Variants in LETM2 observed in about 807,000 individuals in gnomAD.
LETM2 encodes LETM1 domain-containing protein LETM2, mitochondrial.
A neutral mutation model predicts 59.6 loss-of-function variants in LETM2; 58 were observed. The observed-to-expected ratio is 0.97, with a 90% confidence interval of 0.79 to 1.21. The LOEUF (loss-of-function observed/expected upper bound fraction) is 1.21, where lower values mean the gene tolerates loss of function less well. LETM2 is among the 50% of genes most tolerant of loss of function. The pLI, the probability that LETM2 is intolerant of heterozygous loss-of-function variation, is 0.00. For synonymous variants in LETM2, 199 were observed against 214.1 expected, an observed-to-expected ratio of 0.93 and a Z score of 0.62; for missense variants, 572 against 575.7, an observed-to-expected ratio of 0.99 and a Z score of 0.07.
chr8:38,402,709 CTTATGTGATTTCTCCT>C, intron 7 of LETM2, 65 bp downstream of exon 7: 1 of 1,523,962 alleles, frequency 6.6e-7, no homozygotes, highest in South Asian at 1.1e-5. Flanking sequence ...TGCAGACCTC[CTTATGTGATTTCTCCT>C]TTGCAAGTGA....
In LETM2 at chr8:38,400,989, G is replaced by T; in HGVS notation, c.920G>T (p.Gly307Val). ...LCKLLELQTFGTNNLLRFQLL... is the reference protein window; with the variant it reads ...LCKLLELQTFVTNNLLRFQLL... ...AAACTGCTGGAATTGCAGACATTTG[G>T]AACCAACAACCTGCTCCGCTTTCAG... Residue 307 changes from glycine (G) to valine (V), a missense_variant, in exon 6 of 11, where the codon GGA (glycine) becomes GTA (valine). Transcript: ENST00000379957. The T allele has an allele frequency of 6.2e-7, 1 of 1,614,134 alleles. No homozygotes were observed. The highest frequency in any genetic ancestry group is 8.5e-7 in the Non-Finnish European group (1 of 1,180,016).
rs1289261936 is a variant in LETM2 at position 38,408,852 on chromosome 8, A to G, written c.*578A>G. 1 of 152,274 alleles carries G rather than the reference A, an allele frequency of 6.6e-6. No individual in the cohort carries two copies. Among genetic ancestry groups the G allele is most frequent in the African/African-American group, 2.4e-5 (1 of 41,406 alleles). 9.4% of individuals were successfully genotyped at this position (152,274 alleles called of 1,614,324 possible). Reference sequence around the variant, plus strand: ...TCAGAAAGATTTGGCTGCTTCCGACACCTCCATCTTGGGCCTGCAGAGGCT... The same window carrying G: ...TCAGAAAGATTTGGCTGCTTCCGACGCCTCCATCTTGGGCCTGCAGAGGCT... On this transcript the variant is annotated 3_prime_UTR_variant, in exon 11 of 11. Coordinates refer to ENST00000379957, the MANE Select transcript of LETM2 (RefSeq NM_001286819.2).
intron 4 of LETM2, among the ~76,000 whole-genome samples, chr8:38,398,677 G>A (rs978061489): frequency 6.6e-6 from 1 of 151,342 alleles, no homozygotes; most frequent in Non-Finnish European, 1.5e-5. Flanking sequence ...TGGATAGATG[G>A]ATGGAAGGAT....
chr8:38,401,951 A>AT (rs1813265772), intron 6 of LETM2, among the ~76,000 whole-genome samples: 1 of 152,180 alleles, frequency 6.6e-6, no homozygotes, highest in African/African-American at 2.4e-5. Flanking sequence ...CAGAACTGAG[A>AT]AAGCATGATC....
At chr8:38,401,986 T>C (rs1400496603) in intron 6 of LETM2, among the ~76,000 whole-genome samples, 1 of 152,152 alleles carries the variant, frequency 6.6e-6, no homozygotes, top group Admixed American at 6.5e-5. Flanking sequence ...TAGATTTCAG[T>C]TGTTGCTCTT....
intron 2 of LETM2, among the ~76,000 whole-genome samples, chr8:38,390,103 CCTAGCTA>C (rs1460572619): frequency 6.6e-6 from 1 of 151,600 alleles, no homozygotes; most frequent in Non-Finnish European, 1.5e-5. Flanking sequence ...GGCCTGTAGT[CCTAGCTA>C]CTCAGGATGC....
intron 8 of LETM2, among the ~76,000 whole-genome samples, chr8:38,405,966 T>C (rs1037322813): frequency 6.6e-6 from 1 of 152,178 alleles, no homozygotes; most frequent in African/African-American, 2.4e-5. Flanking sequence ...CATGTATATA[T>C]ACAAAATGAG....
chr8:38,392,185 G>C (rs1366932789), intron 2 of LETM2, among the ~76,000 whole-genome samples: 1 of 152,058 alleles, frequency 6.6e-6, no homozygotes, highest in East Asian at 1.9e-4. Context: ...AGTACTTAGG[G>C]AGGCCAAGGC....
chr8:38,406,821 AGAG>A (rs1288970842), intron 8 of LETM2, 122 bp from the exon 9 acceptor site: 1 of 620,596 alleles, frequency 1.6e-6, no homozygotes, highest in Non-Finnish European at 2.9e-6. Flanking sequence ...GGGTGTAGCT[AGAG>A]GAGGAAGTTA....
At chr8:38,387,121 G>T (rs1295825033) in intron 1 of LETM2, 1 of 152,244 alleles carries the variant, frequency 6.6e-6, no homozygotes, top group Admixed American at 6.5e-5. Context: ...GCCCGGGCCC[G>T]AGCGGATTAA....
At chr8:38,400,161 T>C (rs1274499012) in intron 4 of LETM2, 111 bp from the exon 5 acceptor site, 3 of 760,226 alleles carry the variant, frequency 3.9e-6, no homozygotes, top group Non-Finnish European at 6.1e-6. Context: ...ATCACGTTAT[T>C]ACATGATGTA....
chr8:38,390,765 C>T (rs1312424359), intron 2 of LETM2, among the ~76,000 whole-genome samples: 3 of 150,584 alleles, frequency 2.0e-5, no homozygotes, highest in Non-Finnish European at 4.4e-5. Flanking sequence ...TCACTGCAGC[C>T]TCCGCCTCCT....
intron 4 of LETM2, among the ~76,000 whole-genome samples, chr8:38,398,320 A>G (rs1250121595): frequency 6.6e-6 from 1 of 152,218 alleles, no homozygotes; most frequent in Non-Finnish European, 1.5e-5. Flanking sequence ...GATGGGGGGA[A>G]TAGAGGAAGT....
At chr8:38,401,136 T>TTTTTTG (rs749401957) in intron 6 of LETM2, 83 bp downstream of exon 6, 7 of 1,184,340 alleles carry the variant, frequency 5.9e-6, no homozygotes, top group East Asian at 2.4e-5. Context: ...GTGTGCAGTA[T>TTTTTTG]TTTTTGTTTT....
intron 1 of LETM2, among the ~76,000 whole-genome samples, chr8:38,387,720 T>A (rs1490339739): frequency 6.6e-6 from 1 of 152,142 alleles, no homozygotes; most frequent in African/African-American, 2.4e-5. Flanking sequence ...ACCATCTTCA[T>A]GAGCATCATC....
rs1343283079 is a variant in LETM2 at position 38,401,116 on chromosome 8, G to T, written c.984+63G>T. Reference sequence around the variant, plus strand: ...TTTTGGGACATACCTTAGGGTGCCTGTGGGATGAAGTGTGCAGTATTTTTT... The same window carrying T: ...TTTTGGGACATACCTTAGGGTGCCTTTGGGATGAAGTGTGCAGTATTTTTT... On this transcript the variant is annotated intron_variant, in intron 6 of 10. Transcript: ENST00000379957. The T allele has an allele frequency of 3.9e-6, 5 of 1,270,696 alleles. No homozygotes were observed. The East Asian group carries it at 6.9e-5, about 18-fold the overall frequency. 78.7% of individuals were successfully genotyped at this position (1,270,696 alleles called of 1,614,324 possible).
Position 38,409,191 on chromosome 8 carries a change from T to C in LETM2, c.*917T>C, listed in dbSNP as rs890994958. 4 of 152,240 alleles carry C rather than the reference T, an allele frequency of 2.6e-5. No individual in the cohort carries two copies. The highest frequency in any genetic ancestry group is 9.6e-5 in the African/African-American group (4 of 41,466). 9.4% of individuals were successfully genotyped at this position (152,240 alleles called of 1,614,324 possible). On this transcript the variant is annotated 3_prime_UTR_variant, in exon 11 of 11. Coordinates refer to ENST00000379957, the MANE Select transcript of LETM2 (RefSeq NM_001286819.2). ...GCCATGCAGCTGACCAAGGGCTTTC[T>C]TCCCCTGGGGAGTGGTTAGAAGGCC...
At chr8:38,404,628 C>A in intron 8 of LETM2, 122 bp downstream of exon 8, 1 of 669,816 alleles carries the variant, frequency 1.5e-6, no homozygotes, top group Non-Finnish European at 2.6e-6. Flanking sequence ...TTTGACCCAA[C>A]TGGCTTTATG....
At chr8:38,408,015 G>A in intron 10 of LETM2, 197 bp from the exon 11 acceptor site, 2 of 530,208 alleles carry the variant, frequency 3.8e-6, no homozygotes, top group South Asian at 2.1e-5. Flanking sequence ...GATGGGGTAA[G>A]CCCAGAAAAG....
Sources: allele counts gnomAD v4.1 joint callset (sites outside exome capture counted in the v4.1 genomes callset), GRCh38; gene constraint gnomAD v4.1.1; transcripts MANE v1.5; gene names NCBI Gene and HGNC (gene_info 2026-07-23, HGNC 2026-07-21).